Variants in ADGRL1 observed in about 807,000 individuals in gnomAD.
The protein encoded by ADGRL1 is adhesion G protein-coupled receptor L1, also known as CIRL-1.
Under a neutral mutation model 148.9 loss-of-function variants are expected in ADGRL1, and 31 were observed. That is an observed-to-expected ratio of 0.21 (90% CI 0.16 to 0.28). The LOEUF is 0.28. Among genes scored for constraint, ADGRL1 ranks in the 10% least tolerant of loss-of-function variants. ADGRL1 has a pLI of 1.00. For missense variants in ADGRL1, 1,521 were observed against 2,058.8 expected, an observed-to-expected ratio of 0.74 and a Z score of 5.05; for synonymous variants, 937 against 900.3, an observed-to-expected ratio of 1.04 and a Z score of -0.73.
At chr19:14,172,659 G>C (rs1219436205) in intron 3 of ADGRL1, among the ~76,000 whole-genome samples, 1 of 152,164 alleles carries the variant, frequency 6.6e-6, no homozygotes, top group African/African-American at 2.4e-5. Context: ...AGAATCGCTA[G>C]AACCCAGGAG....
In ADGRL1 at chr19:14,192,005, TC is replaced by T. The variant is rs568613184; in HGVS notation, c.-95-8309del. The stretch of plus-strand genomic sequence containing the variant: ...GAGCCACAAGCGCCGGCCTCTCTCT[TC>T]TTATTGGGATACCAGTCCTCTGAGA... On this transcript the variant is annotated intron_variant, in intron 1 of 22. Coordinates refer to ENST00000361434, the MANE Select transcript of ADGRL1 (RefSeq NM_014921.5). 4.9e-4 allele frequency among the ~76,000 whole-genome samples: 74 copies of T among 152,120 alleles called. 1 individual carries two copies. The highest frequency in any genetic ancestry group is 2.1e-4 in the Non-Finnish European group (14 of 67,992).
rs193028888 is a variant in ADGRL1, at chr19:14,196,663, G to A, written c.-96+9322C>T. ...AGCCCTGTACAATGTGAAACACCAG[G>A]CACTGTTCTGCCTTAGGGCCTCTTC... On this transcript the variant is annotated intron_variant, in intron 1 of 22. Coordinates refer to ENST00000361434, the MANE Select transcript of ADGRL1 (RefSeq NM_014921.5). Among the ~76,000 whole-genome samples the A allele has an allele frequency of 5.9e-5, 9 of 152,180 alleles. No individual in the cohort carries two copies. The East Asian group carries it at 1.7e-3, about 29-fold the overall frequency.
At chr19:14,156,550 A>T (rs1434033072) in intron 16 of ADGRL1, 108 bp downstream of exon 16, 13 of 585,978 alleles carry the variant, frequency 2.2e-5, no homozygotes, top group Admixed American at 6.3e-5. Context: ...GGAGAGAGAG[A>T]GAGTGTGTGT....
At chr19:14,191,460 C>T (rs956326336) in intron 1 of ADGRL1, 2 of 456,608 alleles carry the variant, frequency 4.4e-6, no homozygotes, top group Non-Finnish European at 8.8e-6. Context: ...GTGAAGCATC[C>T]CTTGTCCCCA....
intron 1 of ADGRL1, among the ~76,000 whole-genome samples, chr19:14,186,981 C>T (rs1350252014): frequency 6.6e-6 from 1 of 152,198 alleles, no homozygotes; most frequent in Non-Finnish European, 1.5e-5. Flanking sequence ...TAATTCACAG[C>T]TCTCAAGTGA....
intron 4 of ADGRL1, chr19:14,166,952 A>AT: frequency 1.9e-6 from 3 of 1,559,662 alleles, no homozygotes; most frequent in Non-Finnish European, 2.7e-6. Context: ...GGCAGGTCAC[A>AT]TAAGTATGGT....
chr19:14,160,928 A>C lies in ADGRL1; in HGVS notation c.1511-232T>G, dbSNP rs1226005152. Among the ~76,000 whole-genome samples, 1 of 151,942 alleles carries C rather than the reference A, an allele frequency of 6.6e-6. No homozygotes were observed. Among genetic ancestry groups the C allele is most frequent in the African/African-American group, 2.4e-5 (1 of 41,368 alleles). ...TTCTGTCTTTGCCTCCAGAGTTAGA[A>C]CCTTCCAGCAAGGCCCATCTTGAAC... On this transcript the variant is annotated intron_variant, in intron 6 of 22. Transcript: ENST00000361434. This position sits in a 1 kb window ranked among gnomAD's most constrained non-coding sequence, Gnocchi z 5.9.
Position 14,177,761 on chromosome 19 carries a change from G to T in ADGRL1, c.71-17C>A, listed in dbSNP as rs113438356. ...GGCTCAGGCCTGCAGGGAGGGTTGG[G>T]GATGGTGTCACTCCTGGGCCTGGGC... On this transcript the variant is annotated splice_polypyrimidine_tract_variant and intron_variant, in intron 2 of 22. Transcript: ENST00000361434. 5.6e-6 allele frequency: 9 copies of T among 1,603,204 alleles called. No individual in the cohort carries two copies. The highest frequency in any genetic ancestry group is 4.0e-5 in the African/African-American group (3 of 74,974).
rs1339927722 is a variant in ADGRL1, at chr19:14,170,552, G to A, written c.394+130C>T. 17 of 613,046 alleles carry A rather than the reference G, an allele frequency of 2.8e-5. No homozygotes were observed. The Admixed American group carries it at 3.1e-4, about 11-fold the overall frequency. 38.0% of individuals were successfully genotyped at this position (613,046 alleles called of 1,614,324 possible). Reference sequence around the variant, plus strand: ...GATTAGAGAATGTGTGTTGGAGAGAGCAGGCCCGGCTGTCCCCACTGTGCC... The same window carrying A: ...GATTAGAGAATGTGTGTTGGAGAGAACAGGCCCGGCTGTCCCCACTGTGCC... On this transcript the variant is annotated intron_variant, in intron 4 of 22. Transcript: ENST00000361434.
chr19:14,189,187 T>C (rs1971775869), intron 1 of ADGRL1, among the ~76,000 whole-genome samples: 1 of 151,596 alleles, frequency 6.6e-6, no homozygotes, highest in Non-Finnish European at 1.5e-5. Flanking sequence ...AGACATTTCA[T>C]ACAAATGGAG....
chr19:14,185,708 T>C (rs934951105), intron 1 of ADGRL1, among the ~76,000 whole-genome samples: 14 of 152,242 alleles, frequency 9.2e-5, no homozygotes, highest in Admixed American at 5.2e-4. Flanking sequence ...AGTACCATCA[T>C]TGAGCCAGCA....
chr19:14,198,544 G>C (rs1374562767), intron 1 of ADGRL1, among the ~76,000 whole-genome samples: 2 of 151,996 alleles, frequency 1.3e-5, no homozygotes, highest in Non-Finnish European at 2.9e-5. Flanking sequence ...CAGCTAGAGG[G>C]AGCTCATGCT....
chr19:14,199,171 G>A (rs1172981405), intron 1 of ADGRL1, among the ~76,000 whole-genome samples: 7 of 152,204 alleles, frequency 4.6e-5, no homozygotes, highest in African/African-American at 4.8e-5. Flanking sequence ...ATGTCAGCAC[G>A]ACAGGACACC....
chr19:14,181,330 G>A (rs889873700), intron 2 of ADGRL1, among the ~76,000 whole-genome samples: 12 of 152,322 alleles, frequency 7.9e-5, no homozygotes, highest in Non-Finnish European at 1.5e-4. Context: ...ATGCAGATTC[G>A]GGCCCCATAC....
intron 1 of ADGRL1, among the ~76,000 whole-genome samples, chr19:14,187,763 A>G (rs551177733): frequency 3.3e-5 from 5 of 152,010 alleles, no homozygotes; most frequent in South Asian, 2.1e-4. Flanking sequence ...TTACCTTGGG[A>G]ATGGGGAGTG....
Position 14,161,810 on chromosome 19 carries a change from T to C in ADGRL1, c.1196-184A>G, listed in dbSNP as rs1417159567. ...GCTCTGTGCCCACCAAAGTCCCTTA[T>C]GCCCATGGGCCCATATAAAGTAGCA... On this transcript the variant is annotated intron_variant, in intron 5 of 22. Coordinates refer to ENST00000361434, the MANE Select transcript of ADGRL1 (RefSeq NM_014921.5). This position sits in a 1 kb window ranked among gnomAD's most constrained non-coding sequence, Gnocchi z 4.4. 6.6e-6 allele frequency among the ~76,000 whole-genome samples: 1 copy of C among 152,166 alleles called. No individual in the cohort carries two copies. Among genetic ancestry groups the C allele is most frequent in the Non-Finnish European group, 1.5e-5 (1 of 68,014 alleles).
At chr19:14,191,316 G>A (rs1340881625) in intron 1 of ADGRL1, 2 of 456,710 alleles carry the variant, frequency 4.4e-6, no homozygotes, top group East Asian at 6.9e-5. Flanking sequence ...GCCTGCCTGT[G>A]CATCCCTTGC....
At chr19:14,164,958 G>A (rs1969812112) in intron 4 of ADGRL1, among the ~76,000 whole-genome samples, 1 of 152,196 alleles carries the variant, frequency 6.6e-6, no homozygotes, top group Admixed American at 6.5e-5. Context: ...AGGGTTTGCA[G>A]TGAATTCTCT....
intron 18 of ADGRL1, among the ~76,000 whole-genome samples, chr19:14,154,183 G>T (rs761004872): frequency 6.6e-6 from 1 of 152,080 alleles, no homozygotes; most frequent in Non-Finnish European, 1.5e-5. Context: ...GCCTTTGACC[G>T]TGTGTCCAAG....
Sources: gnomAD v4.1 joint callset for allele counts (sites outside exome capture counted in the v4.1 genomes callset) on GRCh38, gnomAD v4.1.1 for gene constraint, Gnocchi (gnomAD v3.1) non-coding constraint, MANE v1.5 for transcripts, NCBI Gene and HGNC (gene_info 2026-07-23, HGNC 2026-07-21) for gene names.